Variants in TEAD1 observed in about 807,000 individuals in gnomAD.
The protein encoded by TEAD1 is transcriptional enhancer factor TEF-1.
TEAD1 carries 9 observed loss-of-function variants against 54.9 expected under a neutral mutation model. The ratio of observed to expected loss-of-function variants is 0.16; its 90% CI spans 0.10 to 0.29. The LOEUF is 0.29. Ranked by LOEUF, TEAD1 falls within the 10% of genes least tolerant of loss-of-function variation. The probability of loss-of-function intolerance (pLI) is 1.00; values close to 1 mark genes in which losing one functional copy is unlikely to be tolerated. For missense variants in TEAD1, 387 were observed against 535.9 expected, an observed-to-expected ratio of 0.72 and a Z score of 2.74; for synonymous variants, 200 against 187.8, an observed-to-expected ratio of 1.07 and a Z score of -0.53.
At chr11:12,929,163 CGTGTGTGTGTGTGTGTGT>C (rs60060462) in intron 11 of TEAD1, among the ~76,000 whole-genome samples, 1 of 106,726 alleles carries the variant, frequency 9.4e-6, no homozygotes, top group South Asian at 3.8e-4. Context: ...TTTGCTTTGC[CGTGTGTGTGTGTGTGTGT>C]GTGTGTGTGT....
chr11:12,775,421 C>G (rs568409616), intron 3 of TEAD1, among the ~76,000 whole-genome samples: 7 of 152,302 alleles, frequency 4.6e-5, no homozygotes, highest in Admixed American at 2.0e-4. Flanking sequence ...GTTCTCATCC[C>G]CACCGGACCC....
intron 10 of TEAD1, among the ~76,000 whole-genome samples, chr11:12,919,758 T>C (rs138137405): frequency 1.6e-3 from 243 of 152,270 alleles, no homozygotes; most frequent in African/African-American, 5.5e-3. Flanking sequence ...CCTCAACCTC[T>C]GAAAGTGCTG....
At chr11:12,882,025 T>C (rs1178682193) in intron 8 of TEAD1, 68 bp downstream of exon 8, 6 of 1,546,500 alleles carry the variant, frequency 3.9e-6, no homozygotes, top group Middle Eastern at 1.7e-4. Flanking sequence ...TCTGGCACTT[T>C]GTTCCCAGAG....
rs538634019 is a variant in TEAD1, at chr11:12,850,552, G to T, written c.203-11698G>T. Among the ~76,000 whole-genome samples, 5 of 152,308 alleles carry T rather than the reference G, an allele frequency of 3.3e-5. No homozygotes were observed. The East Asian group carries it at 7.7e-4, about 24-fold the overall frequency. On this transcript the variant is annotated intron_variant, in intron 3 of 12. Transcript: ENST00000527636. ...AGGAACTGTTATTTCCATTTTACAG[G>T]TAAGGAAATAGAGGTCTAGAGAAGT...
chr11:12,760,360 T>G (rs754242962), intron 2 of TEAD1, among the ~76,000 whole-genome samples: 1 of 152,342 alleles, frequency 6.6e-6, no homozygotes, highest in East Asian at 1.9e-4. Flanking sequence ...AACCTGAGCT[T>G]CTGAGAGAGT....
chr11:12,909,593 G>A (rs375454659), intron 10 of TEAD1, among the ~76,000 whole-genome samples: 3 of 152,080 alleles, frequency 2.0e-5, no homozygotes, highest in Non-Finnish European at 4.4e-5. Flanking sequence ...CATGGCACAC[G>A]TATACCTATA....
intron 5 of TEAD1, 171 bp downstream of exon 5, chr11:12,865,071 A>G (rs774060718): frequency 1.1e-5 from 8 of 757,834 alleles, no homozygotes; most frequent in Non-Finnish European, 1.8e-5. Flanking sequence ...CTAGCCTCAC[A>G]TTAAACTCAA....
rs113911694 is a variant in TEAD1, at chr11:12,763,795, C to T, written c.-54-384C>T. On this transcript the variant is annotated intron_variant, in intron 2 of 12. Coordinates refer to ENST00000527636, the MANE Select transcript of TEAD1 (RefSeq NM_021961.6). ...TAGTAGGCACTCAGTAAATGGTTTT[C>T]GTATGAATCACTGCAAACTTGCAAC... 9.8e-3 allele frequency among the ~76,000 whole-genome samples: 1,487 copies of T among 152,304 alleles called. 25 individuals carry two copies. Among genetic ancestry groups the T allele is most frequent in the African/African-American group, 0.034 (1,411 of 41,562 alleles).
intron 2 of TEAD1, among the ~76,000 whole-genome samples, chr11:12,716,690 A>C (rs1944069830): frequency 6.6e-6 from 1 of 152,252 alleles, no homozygotes; most frequent in South Asian, 2.1e-4. Flanking sequence ...GCTATGTTCC[A>C]GTAAAATCTT....
chr11:12,793,552 TC>T (rs1229478481), intron 3 of TEAD1, among the ~76,000 whole-genome samples: 1 of 152,232 alleles, frequency 6.6e-6, no homozygotes, highest in Admixed American at 6.5e-5. Context: ...GTTCAGTTTT[TC>T]CTTTAGAGTA....
intron 3 of TEAD1, among the ~76,000 whole-genome samples, chr11:12,779,792 G>A (rs1945506940): frequency 6.6e-6 from 1 of 152,112 alleles, no homozygotes; most frequent in Admixed American, 6.5e-5. Context: ...ATCAATTAAC[G>A]TAACACACCA....
intron 2 of TEAD1, among the ~76,000 whole-genome samples, chr11:12,749,795 A>AG (rs1472234280): frequency 6.6e-6 from 1 of 151,852 alleles, no homozygotes; most frequent in Non-Finnish European, 1.5e-5. Flanking sequence ...GGTTTAATTG[A>AG]GGGGGGAACA....
intron 10 of TEAD1, among the ~76,000 whole-genome samples, chr11:12,909,713 C>T (rs988899883): frequency 6.6e-6 from 1 of 152,216 alleles, no homozygotes; most frequent in African/African-American, 2.4e-5. Context: ...TGGTTATTAT[C>T]ACCTGACCCT....
chr11:12,789,012 A>G (rs1945742829), intron 3 of TEAD1, among the ~76,000 whole-genome samples: 4 of 152,188 alleles, frequency 2.6e-5, no homozygotes, highest in Admixed American at 2.0e-4. Flanking sequence ...GGCCTCCCAA[A>G]GTGCTGGGAT....
chr11:12,854,362 G>A (rs971152793), intron 3 of TEAD1, among the ~76,000 whole-genome samples: 1 of 152,156 alleles, frequency 6.6e-6, no homozygotes, highest in African/African-American at 2.4e-5. Context: ...GCAAAACCCA[G>A]TTTATGCTCT....
intron 5 of TEAD1, among the ~76,000 whole-genome samples, chr11:12,866,398 C>G (rs1034147965): frequency 3.3e-5 from 5 of 152,090 alleles, no homozygotes; most frequent in African/African-American, 1.2e-4. Flanking sequence ...GACTGAAAGC[C>G]CTATAAGTGA....
chr11:12,753,576 G>A (rs1007805428), intron 2 of TEAD1, among the ~76,000 whole-genome samples: 14 of 152,056 alleles, frequency 9.2e-5, no homozygotes, highest in Admixed American at 5.9e-4. Flanking sequence ...AAATACATTA[G>A]CTTTTTACTT....
chr11:12,766,958 G>A (rs1055004274), intron 3 of TEAD1, among the ~76,000 whole-genome samples: 1 of 152,136 alleles, frequency 6.6e-6, no homozygotes, highest in African/African-American at 2.4e-5. Context: ...GCCTTGGGGA[G>A]GAAACATCCC....
chr11:12,809,329 C>G (rs1287129310), intron 3 of TEAD1, among the ~76,000 whole-genome samples: 3 of 152,122 alleles, frequency 2.0e-5, no homozygotes, highest in African/African-American at 7.2e-5. Flanking sequence ...GCCTTTATTT[C>G]CACTCTGCAT....
Sources: allele counts gnomAD v4.1 joint callset (sites outside exome capture counted in the v4.1 genomes callset), GRCh38; gene constraint gnomAD v4.1.1; transcripts MANE v1.5; gene names NCBI Gene and HGNC (gene_info 2026-07-23, HGNC 2026-07-21).